PRKG1: variants seen among roughly 807,000 people sequenced by gnomAD.
PRKG1 encodes the protein protein kinase cGMP-dependent 1.
In PRKG1, 35 loss-of-function variants were observed where a neutral mutation model predicts 88.1. The ratio of observed to expected loss-of-function variants is 0.40; its 90% CI spans 0.30 to 0.53. The LOEUF is 0.53. Ranked by LOEUF, PRKG1 falls within the 20% of genes least tolerant of loss-of-function variation. The pLI is 0.59. For synonymous variants in PRKG1, 303 were observed against 292.5 expected (o/e 1.04, Z -0.37); for missense variants, 540 against 839.8 (o/e 0.64, Z 4.41).
intron 5 of PRKG1, among the ~76,000 whole-genome samples, chr10:51,981,093 T>G (rs551613165): frequency 3.7e-4 from 57 of 152,314 alleles, no homozygotes; most frequent in African/African-American, 1.3e-3. Flanking sequence ...TCTGTGTACC[T>G]AAGTGTGTGT....
chr10:52,036,043 G>T (rs1022052874), intron 5 of PRKG1, among the ~76,000 whole-genome samples: 1 of 152,152 alleles, frequency 6.6e-6, no homozygotes, highest in Non-Finnish European at 1.5e-5. Context: ...GGGAGAGCAC[G>T]TGTGTTTTTA....
At chr10:51,718,073 G>T (rs891157534) in intron 3 of PRKG1, among the ~76,000 whole-genome samples, 22 of 152,098 alleles carry the variant, frequency 1.4e-4, no homozygotes, top group African/African-American at 5.1e-4. Flanking sequence ...GCTAGGTGTT[G>T]TGAAATGAAG....
At chr10:51,320,961 T>C (rs1197449783) in intron 2 of PRKG1, among the ~76,000 whole-genome samples, 1 of 152,154 alleles carries the variant, frequency 6.6e-6, no homozygotes, top group Non-Finnish European at 1.5e-5. Flanking sequence ...CTGCACCTTA[T>C]TTGTAACTTG....
At chr10:52,153,642 A>T (rs1388369206) in intron 8 of PRKG1, among the ~76,000 whole-genome samples, 1 of 152,140 alleles carries the variant, frequency 6.6e-6, no homozygotes, top group Non-Finnish European at 1.5e-5. Context: ...TAATACACTC[A>T]GAATAGAGAA....
At chr10:51,397,952 C>T (rs1378537803) in intron 2 of PRKG1, among the ~76,000 whole-genome samples, 2 of 152,198 alleles carry the variant, frequency 1.3e-5, no homozygotes, top group Non-Finnish European at 2.9e-5. Flanking sequence ...TCTGTGCCTT[C>T]TATTGGCAGC....
intron 4 of PRKG1, among the ~76,000 whole-genome samples, chr10:51,850,151 T>G (rs1166232209): frequency 1.3e-5 from 2 of 152,236 alleles, no homozygotes; most frequent in Non-Finnish European, 2.9e-5. Flanking sequence ...CCCCAAAGTT[T>G]ATTGGCATAA....
In PRKG1 at chr10:51,874,588, A is replaced by G. The variant is rs185825799; in HGVS notation, c.699-32919A>G. 8.1e-4 allele frequency among the ~76,000 whole-genome samples: 124 copies of G among 152,328 alleles called. 5 individuals are homozygous for G. The highest frequency in any genetic ancestry group is 7.4e-3 in the Admixed American group (113 of 15,302). ...GCCAAAGCTTAAGAGCATCTAAATA[A>G]AGCTTTGCTGGTACCTTAGCCCATT... On this transcript the variant is annotated intron_variant, in intron 4 of 17. Coordinates refer to ENST00000373980, the MANE Select transcript of PRKG1 (RefSeq NM_006258.4).
intron 1 of PRKG1, among the ~76,000 whole-genome samples, chr10:51,024,497 A>G (rs1231113212): frequency 1.3e-5 from 2 of 152,180 alleles, no homozygotes; most frequent in Non-Finnish European, 2.9e-5. Context: ...TATGGCATAG[A>G]TACTTTTTAG....
chr10:51,153,720 A>C (rs1335494320), intron 2 of PRKG1, among the ~76,000 whole-genome samples: 1 of 152,032 alleles, frequency 6.6e-6, no homozygotes, highest in Admixed American at 6.6e-5. Flanking sequence ...CTTAACTTTT[A>C]ATATGTGACT....
In PRKG1 at chr10:51,977,998, G is replaced by T. The variant is rs556737433; in HGVS notation, c.762+70428G>T. Among the ~76,000 whole-genome samples, 91 of 151,960 alleles carry T rather than the reference G, an allele frequency of 6.0e-4. 1 individual carries two copies. Among genetic ancestry groups the T allele is most frequent in the Non-Finnish European group, 1.1e-3 (72 of 67,926 alleles). On this transcript the variant is annotated intron_variant, in intron 5 of 17. Transcript: ENST00000373980. ...AATTAGATCCCATTTGTCAATTTTT[G>T]ATTTTGTTGCAATTGCTTTGGCATC...
intron 4 of PRKG1, among the ~76,000 whole-genome samples, chr10:51,824,624 T>C (rs1282437607): frequency 6.6e-6 from 1 of 152,164 alleles, no homozygotes; most frequent in Non-Finnish European, 1.5e-5. Flanking sequence ...ACAGGCTGTA[T>C]GAGCATACTG....
At chr10:51,897,384 A>G (rs1332613213) in intron 4 of PRKG1, among the ~76,000 whole-genome samples, 1 of 152,162 alleles carries the variant, frequency 6.6e-6, no homozygotes, top group Non-Finnish European at 1.5e-5. Context: ...ACTCTTCTCC[A>G]TATGCTTCCC....
chr10:51,334,466 A>G (rs1841823332), intron 2 of PRKG1, among the ~76,000 whole-genome samples: 1 of 152,184 alleles, frequency 6.6e-6, no homozygotes, highest in African/African-American at 2.4e-5. Flanking sequence ...TAAATGAATG[A>G]ATGAATGATT....
chr10:52,273,206 C>T (rs1393016966), intron 12 of PRKG1, among the ~76,000 whole-genome samples: 1 of 151,842 alleles, frequency 6.6e-6, no homozygotes, highest in African/African-American at 2.4e-5. Flanking sequence ...ATAATTTATC[C>T]TATAAAATGT....
chr10:51,222,656 C>G (rs1209318838), intron 2 of PRKG1, among the ~76,000 whole-genome samples: 1 of 152,088 alleles, frequency 6.6e-6, no homozygotes, highest in Non-Finnish European at 1.5e-5. Flanking sequence ...AGAAGGAAGT[C>G]TCATGGCTTT....
At chr10:51,540,789 G>A (rs555752162) in intron 3 of PRKG1, among the ~76,000 whole-genome samples, 4 of 152,030 alleles carry the variant, frequency 2.6e-5, no homozygotes, top group Admixed American at 6.5e-5. Flanking sequence ...GCATTATCTC[G>A]GCTCACTGCT....
chr10:52,010,659 G>A (rs1205651229), intron 5 of PRKG1, among the ~76,000 whole-genome samples: 1 of 152,132 alleles, frequency 6.6e-6, no homozygotes, highest in Non-Finnish European at 1.5e-5. Flanking sequence ...GCAGATGGAA[G>A]ACCTCAAATA....
intron 2 of PRKG1, among the ~76,000 whole-genome samples, chr10:51,343,111 A>G (rs181845056): frequency 1.3e-3 from 201 of 152,318 alleles, no homozygotes; most frequent in African/African-American, 4.8e-3. Flanking sequence ...CTGCAATGTG[A>G]GCTTCCATGC....
chr10:52,289,120 G>C, intron 16 of PRKG1, 127 bp downstream of exon 16: 1 of 859,536 alleles, frequency 1.2e-6, no homozygotes, highest in Non-Finnish European at 1.8e-6. Flanking sequence ...GTATAAACTA[G>C]TAAGGCTTTT....
Sources: gnomAD v4.1 joint callset for allele counts (sites outside exome capture counted in the v4.1 genomes callset) on GRCh38, gnomAD v4.1.1 for gene constraint, MANE v1.5 for transcripts, NCBI Gene and HGNC (gene_info 2026-07-23, HGNC 2026-07-21) for gene names.